Variants in TPPP2 observed in about 807,000 individuals in gnomAD.
TPPP2 encodes tubulin polymerization promoting protein family member 2.
A neutral mutation model predicts 13.0 loss-of-function variants in TPPP2; 8 were observed. That is an observed-to-expected ratio of 0.62 (90% CI 0.36 to 1.11). The LOEUF (loss-of-function observed/expected upper bound fraction) is 1.11, where lower values mean the gene tolerates loss of function less well. Among genes scored for constraint, TPPP2 ranks in the 50% most tolerant of loss-of-function variants. The pLI, the probability that TPPP2 is intolerant of heterozygous loss-of-function variation, is 0.02. For synonymous variants in TPPP2, 81 were observed against 81.8 expected, an observed-to-expected ratio of 0.99 and a Z score of 0.05; for missense variants, 213 against 216.9, an observed-to-expected ratio of 0.98 and a Z score of 0.11.
chr14:21,035,830 T>G, downstream of TPPP2: 1 of 456,200 alleles, frequency 2.2e-6, no homozygotes, highest in South Asian at 1.5e-5. Context: ...CTGAAAGTGA[T>G]CCTAGACCCC....
At chr14:21,033,421 G>C (rs533917223), downstream of TPPP2, 5 of 288,306 alleles carry the variant, frequency 1.7e-5, no homozygotes, top group South Asian at 1.9e-4. Flanking sequence ...GAAGGCTGGT[G>C]GGGATGGGGA....
At chr14:21,031,247 G>A (rs2139076620) in intron 3 of TPPP2, 82 bp downstream of exon 3, 2 of 1,531,116 alleles carry the variant, frequency 1.3e-6, no homozygotes, top group Non-Finnish European at 1.8e-6. Flanking sequence ...CCTGCCAACT[G>A]TGTGACTGTA....
chr14:21,030,522 C>T lies in TPPP2; in HGVS notation c.-60C>T. 2 of 1,549,464 alleles carry T rather than the reference C, an allele frequency of 1.3e-6. No individual in the cohort carries two copies. The highest frequency in any genetic ancestry group is 1.8e-6 in the Non-Finnish European group (2 of 1,137,272). ...CCTCATTACTCCACAGTCCTCCCTC[C>T]CCCTTCTCCTTCACCCCCAAGTGTC... On this transcript the variant is annotated 5_prime_UTR_variant, in exon 2 of 4. Coordinates refer to ENST00000321760, the MANE Select transcript of TPPP2 (RefSeq NM_173846.5).
chr14:21,036,330 T>C (rs375301931), downstream of TPPP2: 3 of 453,126 alleles, frequency 6.6e-6, no homozygotes, highest in South Asian at 4.7e-5. Flanking sequence ...TTGTTTCTCA[T>C]AGGGTAGGGG....
At chr14:21,033,920 G>C, downstream of TPPP2, 1 of 1,614,024 alleles carries the variant, frequency 6.2e-7, no homozygotes, top group Non-Finnish European at 8.5e-7. Context: ...TATTGTAGTA[G>C]CAGCTAGTGG....
At chr14:21,030,363 A>T in intron 1 of TPPP2, 59 bp downstream of exon 1, 1 of 559,718 alleles carries the variant, frequency 1.8e-6, no homozygotes, top group Non-Finnish European at 3.2e-6. Flanking sequence ...CCACACTGGT[A>T]TCTCCAATGC....
chr14:21,030,758 A>G lies in TPPP2; in HGVS notation c.173+4A>G. On this transcript the variant is annotated splice_donor_region_variant and intron_variant, in intron 2 of 3. Transcript: ENST00000321760. ...ACATCGTGTTCAGCAAAGTCAAGTG[A>G]GGAGCCAAAAATATGGAGGTGGGGG... The G allele has an allele frequency of 6.2e-7, 1 of 1,613,436 alleles. No homozygotes were observed. The highest frequency in any genetic ancestry group is 8.5e-7 in the Non-Finnish European group (1 of 1,179,586).
At chr14:21,033,923 G>A (rs1884430036), downstream of TPPP2, 1 of 1,613,778 alleles carries the variant, frequency 6.2e-7, no homozygotes, top group South Asian at 1.1e-5. Flanking sequence ...TGTAGTAGCA[G>A]CTAGTGGGTG....
upstream of TPPP2, chr14:21,025,617 G>A: frequency 1.0e-6 from 1 of 985,524 alleles, no homozygotes; most frequent in Non-Finnish European, 1.2e-6. The surrounding 1 kb of genome is among the most constrained non-coding windows in gnomAD (Gnocchi z 5.1). Context: ...CCGAAAGGGG[G>A]CACGGGGGAA....
chr14:21,031,832 G>T (rs932433582), intron 3 of TPPP2, 60 bp from the exon 4 acceptor site: 3 of 1,551,528 alleles, frequency 1.9e-6, no homozygotes, highest in African/African-American at 2.7e-5. Flanking sequence ...GCCATCTTTG[G>T]GGAAGGGATA....
chr14:21,033,550 T>C (rs1884392742), downstream of TPPP2: 13 of 503,622 alleles, frequency 2.6e-5, no homozygotes, highest in African/African-American at 3.9e-5. Context: ...CACAGTCAAC[T>C]TCTTGGGTGG....
At position 21,032,793 on chromosome 14, in the gene TPPP2, G is replaced by C. The variant is rs1320291231; in HGVS notation, c.*716G>C. ...GGAGTTCTGGTGCACTGAAGAAAAA[G>C]CAATTAAATCACAACAGAGTCAGAT... On this transcript the variant is annotated 3_prime_UTR_variant, in exon 4 of 4. Transcript: ENST00000321760. 1 of 372,320 alleles carries C rather than the reference G, an allele frequency of 2.7e-6. No homozygotes were observed. The highest frequency in any genetic ancestry group is 2.1e-5 in the African/African-American group (1 of 46,924). The allele number at this position is 372,320 out of a possible 1,614,324, so 23.1% of individuals were successfully genotyped here. A position where few individuals can be genotyped will look rare whatever the true frequency, so the allele number is the denominator to read the frequency against.
chr14:21,034,259 GA>G (rs756765487), downstream of TPPP2: 4 of 1,613,492 alleles, frequency 2.5e-6, no homozygotes, highest in South Asian at 3.3e-5. Context: ...CAAGCTGGAG[GA>G]AAAGGAGCCG....
downstream of TPPP2, chr14:21,034,421 C>T: frequency 1.5e-6 from 1 of 685,214 alleles, no homozygotes. Flanking sequence ...ACCAAGTTCT[C>T]ATGACCCAGA....
upstream of TPPP2, among the ~76,000 whole-genome samples, chr14:21,026,152 G>GCACACACA (rs147701833): frequency 2.7e-5 from 4 of 149,614 alleles, no homozygotes; most frequent in East Asian, 7.8e-4. Context: ...ACACGCACAC[G>GCACACACA]CACACACACA....
At chr14:21,033,561 G>A (rs1884394991), downstream of TPPP2, 2 of 533,012 alleles carry the variant, frequency 3.8e-6, no homozygotes, top group South Asian at 4.3e-5. Context: ...TCTTGGGTGG[G>A]TTTTACTGTC....
intron 1 of TPPP2, chr14:21,024,815 G>A (rs764051258): frequency 1.6e-5 from 16 of 985,498 alleles, no homozygotes; most frequent in Non-Finnish European, 1.8e-5. Flanking sequence ...CCGGTGCCAA[G>A]CGCCCCGGAC....
upstream of TPPP2, chr14:21,025,235 G>C (rs1883292468): frequency 1.8e-5 from 15 of 839,810 alleles, no homozygotes; most frequent in South Asian, 4.3e-4. The surrounding 1 kb of genome is among the most constrained non-coding windows in gnomAD (Gnocchi z 5.1). Flanking sequence ...GCTGGGGCCG[G>C]GGGGCGAGGG....
downstream of TPPP2, chr14:21,033,913 TGTA>T: frequency 6.2e-7 from 1 of 1,614,066 alleles, no homozygotes; most frequent in Non-Finnish European, 8.5e-7. Context: ...AGGGTGCTAT[TGTA>T]GTAGCAGCTA....
Sources: allele counts gnomAD v4.1 joint callset (sites outside exome capture counted in the v4.1 genomes callset), GRCh38; gene constraint gnomAD v4.1.1; non-coding constraint Gnocchi (gnomAD v3.1); transcripts MANE v1.5; gene names NCBI Gene and HGNC (gene_info 2026-07-23, HGNC 2026-07-21).